The following ZNF385B variants were observed in gnomAD, a reference collection of about 807,000 sequenced individuals.
ZNF385B encodes zinc finger protein 385B, also known as zinc finger protein 533.
A neutral mutation model predicts 39.2 loss-of-function variants in ZNF385B; 23 were observed. That is an observed-to-expected ratio of 0.59 (90% CI 0.42 to 0.83). The LOEUF (loss-of-function observed/expected upper bound fraction) is 0.83, where lower values mean the gene tolerates loss of function less well. Ranked by LOEUF, ZNF385B falls within the 40% of genes least tolerant of loss-of-function variation. The probability of loss-of-function intolerance (pLI) is 0.00; values close to 1 mark genes in which losing one functional copy is unlikely to be tolerated. For synonymous variants in ZNF385B, 205 were observed against 222.6 expected (o/e 0.92, Z 0.70); for missense variants, 552 against 598.9 (o/e 0.92, Z 0.82).
At chr2:179,735,558 T>C (rs1443084765) in intron 3 of ZNF385B, among the ~76,000 whole-genome samples, 1 of 141,178 alleles carries the variant, frequency 7.1e-6, no homozygotes, top group Non-Finnish European at 1.5e-5. Flanking sequence ...CTATAAATCA[T>C]GCTGCTATAA....
intron 3 of ZNF385B, among the ~76,000 whole-genome samples, chr2:179,593,287 A>T (rs1440368075): frequency 6.6e-6 from 1 of 152,212 alleles, no homozygotes; most frequent in Non-Finnish European, 1.5e-5. Flanking sequence ...TTTGCTGAAC[A>T]TTCCAAATAT....
intron 3 of ZNF385B, among the ~76,000 whole-genome samples, chr2:179,601,179 C>G (rs750671863): frequency 4.6e-5 from 7 of 152,124 alleles, no homozygotes; most frequent in Admixed American, 1.3e-4. Flanking sequence ...GGGTATATTT[C>G]TAAAGCAACA....
intron 6 of ZNF385B, among the ~76,000 whole-genome samples, chr2:179,465,103 A>AT (rs1428385585): frequency 1.3e-5 from 2 of 151,784 alleles, no homozygotes; most frequent in East Asian, 1.9e-4. Flanking sequence ...ACTGGACATG[A>AT]TTTTTTTCTG....
intron 3 of ZNF385B, among the ~76,000 whole-genome samples, chr2:179,680,048 T>G (rs1275293089): frequency 2.6e-5 from 4 of 152,212 alleles, no homozygotes; most frequent in Non-Finnish European, 4.4e-5. Flanking sequence ...ATTATAAAAT[T>G]TGTACCATTT....
chr2:179,677,015 C>A (rs1225854670), intron 3 of ZNF385B, among the ~76,000 whole-genome samples: 1 of 152,090 alleles, frequency 6.6e-6, no homozygotes, highest in Non-Finnish European at 1.5e-5. Flanking sequence ...TGTCAGTAAC[C>A]GCTTTAAGAA....
chr2:179,695,202 GT>G (rs1274002344), intron 3 of ZNF385B, among the ~76,000 whole-genome samples: 3 of 152,110 alleles, frequency 2.0e-5, no homozygotes, highest in African/African-American at 7.2e-5. Flanking sequence ...AGATCAGGGA[GT>G]TTTACTGTAC....
chr2:179,666,217 C>G (rs1251796477), intron 3 of ZNF385B, among the ~76,000 whole-genome samples: 1 of 152,042 alleles, frequency 6.6e-6, no homozygotes, highest in Non-Finnish European at 1.5e-5. Context: ...TGTTTTATTT[C>G]CAGAGTTGGT....
chr2:179,838,659 G>A (rs1708380022), intron 1 of ZNF385B, among the ~76,000 whole-genome samples: 1 of 152,056 alleles, frequency 6.6e-6, no homozygotes, highest in Non-Finnish European at 1.5e-5. Context: ...TATATAGATA[G>A]ATATATAAAT....
At chr2:179,817,748 T>C (rs1295084855) in intron 1 of ZNF385B, among the ~76,000 whole-genome samples, 1 of 152,048 alleles carries the variant, frequency 6.6e-6, no homozygotes, top group Non-Finnish European at 1.5e-5. Context: ...TGTGTCTGCA[T>C]AGGTATGTGT....
intron 6 of ZNF385B, among the ~76,000 whole-genome samples, chr2:179,456,315 G>C (rs529934740): frequency 5.8e-4 from 88 of 152,166 alleles, no homozygotes; most frequent in Admixed American, 2.7e-3. Context: ...ACTCTTAGGA[G>C]TGTCACAAAA....
At chr2:179,750,139 T>G (rs1438688699) in intron 3 of ZNF385B, among the ~76,000 whole-genome samples, 1 of 152,142 alleles carries the variant, frequency 6.6e-6, no homozygotes, top group Non-Finnish European at 1.5e-5. Context: ...ATGTCAGGTA[T>G]AGTTTTAGAT....
chr2:179,627,309 A>G (rs962465374), intron 3 of ZNF385B, among the ~76,000 whole-genome samples: 25 of 152,170 alleles, frequency 1.6e-4, no homozygotes, highest in African/African-American at 6.0e-4. Flanking sequence ...TCTCCCTTCT[A>G]TTTTAACCTG....
chr2:179,528,135 C>T (rs966334622), intron 4 of ZNF385B, among the ~76,000 whole-genome samples: 2 of 152,126 alleles, frequency 1.3e-5, no homozygotes, highest in African/African-American at 4.8e-5. Context: ...AGAATCCAGA[C>T]TCATACAAGT....
intron 1 of ZNF385B, among the ~76,000 whole-genome samples, chr2:179,785,264 T>C (rs192767311): frequency 5.9e-5 from 9 of 152,206 alleles, no homozygotes; most frequent in South Asian, 2.1e-4. Flanking sequence ...AGCAGACTGA[T>C]ACATGTTCAA....
chr2:179,594,425 C>CT (rs764414019), intron 3 of ZNF385B, among the ~76,000 whole-genome samples: 5 of 152,170 alleles, frequency 3.3e-5, no homozygotes, highest in Non-Finnish European at 7.3e-5. Context: ...AATATACCTA[C>CT]TTTTTTGCGT....
At position 179,839,420 on chromosome 2, in the gene ZNF385B, T is replaced by C. The variant is rs901692398; in HGVS notation, c.-155+21681A>G. On this transcript the variant is annotated intron_variant, in intron 1 of 9. Transcript: ENST00000410066. Reference sequence around the variant, plus strand: ...TTTCTGGGCCAGAAAAGGCATACTATCCTTATTCAAAGTTATTTTTAAACT... The same window carrying C: ...TTTCTGGGCCAGAAAAGGCATACTACCCTTATTCAAAGTTATTTTTAAACT... 2.6e-5 allele frequency among the ~76,000 whole-genome samples: 4 copies of C among 152,342 alleles called. 1 individual carries two copies. The South Asian group carries it at 8.3e-4, about 32-fold the overall frequency.
rs79837058 is a variant in ZNF385B, at chr2:179,489,861, A to G, written c.553-6427T>C. On this transcript the variant is annotated intron_variant, in intron 5 of 9. Transcript: ENST00000410066. ...AATTCTCATCTATTGGGATTGTTGA[A>G]AACAAAGTCCAGACAAAATTATAAC... 5.1e-3 allele frequency among the ~76,000 whole-genome samples: 781 copies of G among 152,360 alleles called. 4 individuals carry two copies. Among genetic ancestry groups the G allele is most frequent in the Non-Finnish European group, 6.6e-3 (451 of 68,036 alleles).
intron 1 of ZNF385B, among the ~76,000 whole-genome samples, chr2:179,793,935 T>C (rs1017956778): frequency 6.6e-6 from 1 of 152,388 alleles, no homozygotes; most frequent in African/African-American, 2.4e-5. Context: ...GCAACCATTA[T>C]GTCAATGTTA....
chr2:179,457,452 A>G (rs1227853926), intron 6 of ZNF385B, among the ~76,000 whole-genome samples: 1 of 152,118 alleles, frequency 6.6e-6, no homozygotes. Flanking sequence ...GATTCTGAAA[A>G]CAGTCTTCCA....
Sources: allele counts gnomAD v4.1 joint callset (sites outside exome capture counted in the v4.1 genomes callset), GRCh38; gene constraint gnomAD v4.1.1; transcripts MANE v1.5; gene names NCBI Gene and HGNC (gene_info 2026-07-23, HGNC 2026-07-21).